The following NSD1 variants were observed in gnomAD, a reference collection of about 807,000 sequenced individuals.
NSD1 encodes nuclear receptor binding SET domain protein 1.
A neutral mutation model predicts 242.7 loss-of-function variants in NSD1; 26 were observed. The observed-to-expected ratio is 0.11, with a 90% CI of 0.08 to 0.15. The LOEUF is 0.15. Ranked by LOEUF, NSD1 falls within the 10% of genes least tolerant of loss-of-function variation. The pLI is 1.00. For synonymous variants in NSD1, 1,106 were observed against 1,178.1 expected (o/e 0.94, Z 1.25); for missense variants, 2,495 against 3,272.8 (o/e 0.76, Z 5.80).
intron 2 of NSD1, among the ~76,000 whole-genome samples, chr5:177,186,158 G>A (rs895295801): frequency 3.0e-5 from 4 of 134,608 alleles, no homozygotes; most frequent in Non-Finnish European, 6.2e-5. Flanking sequence ...CAGTGTGGTG[G>A]TGTGCGTTTG....
chr5:177,286,386 A>G (rs952734286), intron 20 of NSD1, among the ~76,000 whole-genome samples: 5 of 152,186 alleles, frequency 3.3e-5, no homozygotes, highest in South Asian at 2.1e-4. Context: ...CACTCTGCTT[A>G]TTTGAGACTG....
chr5:177,290,120 G>A (rs1366854598), intron 21 of NSD1, among the ~76,000 whole-genome samples: 2 of 150,566 alleles, frequency 1.3e-5, no homozygotes, highest in African/African-American at 4.9e-5. Flanking sequence ...GAGCCACTGT[G>A]CCCGGCCCTT....
chr5:177,294,646 A>G lies in NSD1; in HGVS notation c.7278A>G (p.Ser2426=). Residue 2426 remains serine, a synonymous_variant, in exon 23 of 23, where the codon TCA becomes TCG. Transcript: ENST00000439151. The part of the protein sequence containing the change: ...QRLPPPEKVL[S]AVVQTLVAKE... ...TCCCACCTCCTGAGAAAGTACTATC[A>G]GCTGTGGTCCAGACCCTTGTAGCTA... 1.2e-6 allele frequency: 2 copies of G among 1,614,218 alleles called. No individual in the cohort carries two copies. The highest frequency in any genetic ancestry group is 1.7e-6 in the Non-Finnish European group (2 of 1,180,042).
chr5:177,292,187 A>G, intron 22 of NSD1, 29 bp downstream of exon 22: 1 of 1,607,270 alleles, frequency 6.2e-7, no homozygotes, highest in South Asian at 1.1e-5. Context: ...TTGTACCGCT[A>G]CTCGTTCTCT....
chr5:177,201,924 T>C (rs556206201), intron 3 of NSD1, among the ~76,000 whole-genome samples: 3 of 150,124 alleles, frequency 2.0e-5, no homozygotes, highest in Admixed American at 6.7e-5. Flanking sequence ...CCCAGCACTT[T>C]GGGAGGCCGA....
intron 11 of NSD1, among the ~76,000 whole-genome samples, chr5:177,250,582 T>A (rs1451698754): frequency 1.3e-5 from 2 of 151,726 alleles, no homozygotes; most frequent in Non-Finnish European, 2.9e-5. Flanking sequence ...TTTTTTACCA[T>A]ATATAGAAAC....
intron 9 of NSD1, among the ~76,000 whole-genome samples, chr5:177,246,040 G>C (rs900072917): frequency 1.3e-5 from 2 of 151,096 alleles, no homozygotes; most frequent in Non-Finnish European, 2.9e-5. Context: ...GCATGATCTC[G>C]GCTCACTGCA....
rs1761890203 is a variant in NSD1 at position 177,193,819 on chromosome 5, C to T, written c.1063+1800C>T. Among the ~76,000 whole-genome samples the T allele has an allele frequency of 2.6e-5, 4 of 151,928 alleles. No homozygotes were observed. The South Asian group carries it at 6.2e-4, about 24-fold the overall frequency. On this transcript the variant is annotated intron_variant, in intron 3 of 22. Transcript: ENST00000439151. ...AGACGGAATCTTGCTCTGTCACGTACGTTGGAGTGCAGTGGCGCAATTTCG... is the reference window on the plus strand; with the variant it reads ...AGACGGAATCTTGCTCTGTCACGTATGTTGGAGTGCAGTGGCGCAATTTCG...
rs1304079704 is a variant in NSD1 at position 177,297,990 on chromosome 5, A to G, written c.*2531A>G. 1 of 232,896 alleles carries G rather than the reference A, an allele frequency of 4.3e-6. No individual in the cohort carries two copies. Among genetic ancestry groups the G allele is most frequent in the African/African-American group, 2.2e-5 (1 of 45,258 alleles). The allele number at this position is 232,896 out of a possible 1,614,324, so 14.4% of individuals were successfully genotyped here. A position where few individuals can be genotyped will look rare whatever the true frequency, so the allele number is the denominator to read the frequency against. On this transcript the variant is annotated 3_prime_UTR_variant, in exon 23 of 23. Coordinates refer to ENST00000439151, the MANE Select transcript of NSD1 (RefSeq NM_022455.5). ...AAGGGCCATTGAATGGGAACTAGAAAACCACTGGAAACTAGAAATTTGAGC... is the reference window on the plus strand; with the variant it reads ...AAGGGCCATTGAATGGGAACTAGAAGACCACTGGAAACTAGAAATTTGAGC...
rs587784172 is a variant in NSD1 at position 177,282,573 on chromosome 5, C to T, written c.6001C>T (p.Leu2001=). ...TATCACTAATTTCTATATGCTCACC[C>T]TAGACAAAGTAAGTAATGGGAAATG... is the stretch of plus-strand genomic sequence containing the variant. The part of the protein sequence containing the change: ...HDITNFYMLT[L]DKDRIIDAGP... The change falls in exon 19 of 23, where the codon CTA becomes TTA. Residue 2001 remains leucine (L), a synonymous_variant. Transcript: ENST00000439151. 58 of 1,593,470 alleles carry T rather than the reference C, an allele frequency of 3.6e-5. No homozygotes were observed. The highest frequency in any genetic ancestry group is 4.8e-5 in the Non-Finnish European group (56 of 1,161,396).
Position 177,211,366 on chromosome 5 carries a change from C to G in NSD1, c.2967C>G (p.Gly989=), listed in dbSNP as rs1180477927. The G allele has an allele frequency of 6.2e-7, 1 of 1,614,092 alleles. No individual in the cohort carries two copies. Among genetic ancestry groups the G allele is most frequent in the Non-Finnish European group, 8.5e-7 (1 of 1,180,016 alleles). ...SPSGGDSALS[G]ELSASLPGLL... is the part of the protein sequence containing the mutation. Reference sequence around the variant, plus strand: ...GTGGGGGTGACTCTGCATTATCTGGCGAGTTGTCTGCTTCCCTACCTGGCT... The same window carrying G: ...GTGGGGGTGACTCTGCATTATCTGGGGAGTTGTCTGCTTCCCTACCTGGCT... Residue 989 remains glycine (G), a synonymous_variant, in exon 5 of 23, where the codon GGC becomes GGG. Coordinates refer to ENST00000439151, the MANE Select transcript of NSD1 (RefSeq NM_022455.5).
intron 9 of NSD1, among the ~76,000 whole-genome samples, chr5:177,245,792 C>T (rs189481644): frequency 5.0e-4 from 75 of 150,842 alleles, no homozygotes; most frequent in African/African-American, 1.7e-3. Flanking sequence ...TACTCCCTCA[C>T]GCCTGGCTAA....
At chr5:177,148,930 T>G (rs1161311085) in intron 2 of NSD1, among the ~76,000 whole-genome samples, 1 of 152,152 alleles carries the variant, frequency 6.6e-6, no homozygotes, top group Non-Finnish European at 1.5e-5. Flanking sequence ...GTGATTCTCC[T>G]GCATCAGCCT....
chr5:177,204,746 G>T (rs757556665), intron 4 of NSD1, among the ~76,000 whole-genome samples: 1 of 152,104 alleles, frequency 6.6e-6, no homozygotes, highest in Non-Finnish European at 1.5e-5. Flanking sequence ...GAATATCTGT[G>T]AGAAAAGAGC....
chr5:177,146,580 A>G (rs1301057454), intron 2 of NSD1, among the ~76,000 whole-genome samples: 1 of 152,168 alleles, frequency 6.6e-6, no homozygotes, highest in Non-Finnish European at 1.5e-5. Flanking sequence ...TTTTTCCTTA[A>G]AAGAAATCTG....
chr5:177,271,106 AG>A (rs1439334693), intron 16 of NSD1, among the ~76,000 whole-genome samples: 1 of 152,084 alleles, frequency 6.6e-6, no homozygotes, highest in African/African-American at 2.4e-5. Context: ...TGCCTTAATC[AG>A]GGGGTTTCTA....
rs1249991924 is a variant in NSD1 at position 177,238,095 on chromosome 5, A to G, written c.3922-142A>G. ...CTTTGTGTCTTAAGTAATTTCCCTT[A>G]GCATACATAATGTCTTCAAGGTTCA... On this transcript the variant is annotated intron_variant, in intron 6 of 22. Coordinates refer to ENST00000439151, the MANE Select transcript of NSD1 (RefSeq NM_022455.5). The surrounding 1 kb of genome is among the most constrained non-coding windows in gnomAD (Gnocchi z 4.6). 1.2e-6 allele frequency: 1 copy of G among 862,016 alleles called. No homozygotes were observed. The highest frequency in any genetic ancestry group is 2.4e-5 in the East Asian group (1 of 41,486). The allele number at this position is 862,016 out of a possible 1,614,324, so 53.4% of individuals were successfully genotyped here.
intron 2 of NSD1, among the ~76,000 whole-genome samples, chr5:177,185,411 A>G (rs1440161974): frequency 6.6e-6 from 1 of 151,750 alleles, no homozygotes; most frequent in Non-Finnish European, 1.5e-5. Flanking sequence ...CAGCCTGGCC[A>G]ACATGGTGAA....
chr5:177,276,105 T>C (rs1758361155), intron 17 of NSD1, among the ~76,000 whole-genome samples: 1 of 152,104 alleles, frequency 6.6e-6, no homozygotes, highest in South Asian at 2.1e-4. Flanking sequence ...AATTTTGGTA[T>C]TTTTTGTAGA....
Sources: allele counts gnomAD v4.1 joint callset (sites outside exome capture counted in the v4.1 genomes callset), GRCh38; gene constraint gnomAD v4.1.1; non-coding constraint Gnocchi (gnomAD v3.1); transcripts MANE v1.5; gene names NCBI Gene and HGNC (gene_info 2026-07-23, HGNC 2026-07-21).